The following ITGBL1 variants were observed in gnomAD, a reference collection of about 807,000 sequenced individuals.
ITGBL1 encodes integrin subunit beta like 1, also known as integrin beta-like protein 1.
Under a neutral mutation model 68.5 loss-of-function variants are expected in ITGBL1, and 51 were observed. The ratio of observed to expected loss-of-function variants is 0.74; its 90% CI spans 0.59 to 0.94. The LOEUF is 0.94. ITGBL1 is among the 40% of genes least tolerant of loss of function. ITGBL1 has a pLI of 0.00. For missense variants in ITGBL1, 649 were observed against 647.4 expected, an observed-to-expected ratio of 1.00 and a Z score of -0.03; for synonymous variants, 209 against 227.3, an observed-to-expected ratio of 0.92 and a Z score of 0.72.
chr13:101,668,202 A>G (rs2033269881), intron 7 of ITGBL1, among the ~76,000 whole-genome samples: 1 of 152,156 alleles, frequency 6.6e-6, no homozygotes, highest in African/African-American at 2.4e-5. Context: ...AGCCTGACCA[A>G]CATGGTGAAA....
At chr13:101,526,155 C>CTTCTTTTTT (rs368448615) in intron 2 of ITGBL1, among the ~76,000 whole-genome samples, 1 of 136,552 alleles carries the variant, frequency 7.3e-6, no homozygotes. Context: ...TCTTCTTCTT[C>CTTCTTTTTT]TTTTTTTTTT....
chr13:101,681,803 T>G (rs2033649605), intron 7 of ITGBL1, among the ~76,000 whole-genome samples: 1 of 151,980 alleles, frequency 6.6e-6, no homozygotes, highest in African/African-American at 2.4e-5. Flanking sequence ...TGTGTGTGTG[T>G]GGGTGTGCGC....
chr13:101,472,883 T>G (rs2139646138), intron 2 of ITGBL1, among the ~76,000 whole-genome samples: 1 of 152,252 alleles, frequency 6.6e-6, no homozygotes, highest in Admixed American at 6.5e-5. Flanking sequence ...CTTTAAGAAT[T>G]AAAACTCTAA....
At chr13:101,486,446 T>G (rs1243079546) in intron 2 of ITGBL1, among the ~76,000 whole-genome samples, 1 of 151,914 alleles carries the variant, frequency 6.6e-6, no homozygotes, top group Non-Finnish European at 1.5e-5. Flanking sequence ...ACTAAAGAAC[T>G]TCACCTGTTT....
chr13:101,584,399 A>T (rs537502614), intron 6 of ITGBL1, among the ~76,000 whole-genome samples: 1 of 152,346 alleles, frequency 6.6e-6, no homozygotes, highest in East Asian at 1.9e-4. Flanking sequence ...TTGATAACCC[A>T]TAAGGTAGAC....
intron 2 of ITGBL1, among the ~76,000 whole-genome samples, chr13:101,500,178 T>C (rs2048917524): frequency 6.6e-6 from 1 of 152,206 alleles, no homozygotes; most frequent in Non-Finnish European, 1.5e-5. Context: ...TTTTTGATCA[T>C]TGCCTGCTCC....
intron 7 of ITGBL1, among the ~76,000 whole-genome samples, chr13:101,605,614 A>G (rs542631127): frequency 6.7e-6 from 1 of 149,622 alleles, no homozygotes; most frequent in Admixed American, 6.7e-5. Context: ...ATATGCGTAT[A>G]TATATACACG....
At chr13:101,613,745 T>A (rs887613120) in intron 7 of ITGBL1, among the ~76,000 whole-genome samples, 10 of 152,116 alleles carry the variant, frequency 6.6e-5, no homozygotes, top group Admixed American at 6.6e-4. Flanking sequence ...GAAGTATTTT[T>A]AAAATACCAG....
intron 7 of ITGBL1, among the ~76,000 whole-genome samples, chr13:101,608,930 T>C (rs2030998220): frequency 1.3e-5 from 2 of 152,018 alleles, no homozygotes; most frequent in African/African-American, 2.4e-5. Flanking sequence ...AATGAATTGG[T>C]GAGTTTTTTC....
At chr13:101,609,031 A>C (rs939455779) in intron 7 of ITGBL1, among the ~76,000 whole-genome samples, 2 of 151,988 alleles carry the variant, frequency 1.3e-5, no homozygotes, top group African/African-American at 4.8e-5. Flanking sequence ...TGCACCTTTG[A>C]TCATGCTTTG....
downstream of ITGBL1, chr13:101,718,775 A>G (rs1165543943): frequency 6.6e-6 from 1 of 150,756 alleles, no homozygotes; most frequent in Non-Finnish European, 1.5e-5. Context: ...ACTTAGTGAA[A>G]ACCAGGAAAA....
chr13:101,661,313 G>A (rs904643154), intron 7 of ITGBL1, among the ~76,000 whole-genome samples: 20 of 152,204 alleles, frequency 1.3e-4, no homozygotes, highest in African/African-American at 3.9e-4. Context: ...TTCAGGACAC[G>A]TTTTTCAATA....
At chr13:101,545,685 C>CTAAA (rs1056584180) in intron 2 of ITGBL1, among the ~76,000 whole-genome samples, 2 of 152,036 alleles carry the variant, frequency 1.3e-5, no homozygotes, top group Admixed American at 1.3e-4. Context: ...GAGAACCAAG[C>CTAAA]TAAATATAAA....
At chr13:101,671,286 A>G (rs2033352362) in intron 7 of ITGBL1, among the ~76,000 whole-genome samples, 1 of 152,194 alleles carries the variant, frequency 6.6e-6, no homozygotes, top group South Asian at 2.1e-4. Context: ...GAAGTGAAAT[A>G]ACTAACAAAG....
rs150362536 is a variant in ITGBL1, at chr13:101,564,415, A to G, written c.317-3284A>G. Among the ~76,000 whole-genome samples, 27 of 152,002 alleles carry G rather than the reference A, an allele frequency of 1.8e-4. No individual in the cohort carries two copies. The East Asian group carries it at 5.2e-3, about 29-fold the overall frequency. ...CTTCAAAAGATACTGTTAATAGAAC[A>G]AAAGGCAAGTCACAAATTGGGAGAG... On this transcript the variant is annotated intron_variant, in intron 2 of 10. Transcript: ENST00000376180.
chr13:101,530,732 T>G (rs879751675), intron 2 of ITGBL1, among the ~76,000 whole-genome samples: 24 of 152,242 alleles, frequency 1.6e-4, no homozygotes, highest in Non-Finnish European at 2.5e-4. Flanking sequence ...AACACACACA[T>G]TAAATCTTCA....
At chr13:101,618,425 C>A (rs2031452426) in intron 7 of ITGBL1, among the ~76,000 whole-genome samples, 1 of 152,116 alleles carries the variant, frequency 6.6e-6, no homozygotes, top group African/African-American at 2.4e-5. Context: ...AGTTATAGTG[C>A]TGAGCATATA....
At chr13:101,692,852 A>C (rs2033913614) in intron 8 of ITGBL1, 151 bp downstream of exon 8, 5 of 651,544 alleles carry the variant, frequency 7.7e-6, no homozygotes, top group Non-Finnish European at 1.4e-5. Context: ...ATATACAATT[A>C]GGTTTGTAAT....
intron 7 of ITGBL1, among the ~76,000 whole-genome samples, chr13:101,614,496 T>C (rs1485729025): frequency 1.3e-5 from 2 of 152,172 alleles, no homozygotes; most frequent in Non-Finnish European, 2.9e-5. Context: ...TGGATGAGTC[T>C]GTGTAGGTGC....
Sources: gnomAD v4.1 joint callset for allele counts (sites outside exome capture counted in the v4.1 genomes callset) on GRCh38, gnomAD v4.1.1 for gene constraint, MANE v1.5 for transcripts, NCBI Gene and HGNC (gene_info 2026-07-23, HGNC 2026-07-21) for gene names.